The following GLI4 variants were observed in gnomAD, a reference collection of about 807,000 sequenced individuals.
GLI4 encodes GLI family zinc finger 4.
In GLI4, 34 loss-of-function variants were observed where a neutral mutation model predicts 30.9. The observed-to-expected ratio is 1.10, with a 90% CI of 0.84 to 1.47. GLI4 has a LOEUF of 1.47. Among genes scored for constraint, GLI4 ranks in the 40% most tolerant of loss-of-function variants. The pLI is 0.00. For synonymous variants in GLI4, 277 were observed against 236.7 expected (o/e 1.17, Z -1.56); for missense variants, 696 against 538.9 (o/e 1.29, Z -2.89).
chr8:143,267,892 G>A (rs1586724469), intron 1 of GLI4: 1 of 985,440 alleles, frequency 1.0e-6, no homozygotes, highest in Non-Finnish European at 1.2e-6. Flanking sequence ...GATTGGGTCC[G>A]CTCCCACGGG....
chr8:143,268,137 G>A (rs1201524701), intron 1 of GLI4: 3 of 966,720 alleles, frequency 3.1e-6, no homozygotes, highest in Non-Finnish European at 3.7e-6. Flanking sequence ...ACTTCAGGGT[G>A]GAGGACCTGC....
At position 143,276,303 on chromosome 8, in the gene GLI4, C is replaced by G. The variant is rs201598073; in HGVS notation, c.630C>G (p.Pro210=). Residue 210 remains proline (P), a synonymous_variant, in exon 4 of 4, where the codon CCC becomes CCG. Transcript: ENST00000340042. ...AGCGCATCCACACGGGCGAGAAGCCCTACGCCTGCCACGAGTGCGGCAAGC... is the reference window on the plus strand; with the variant it reads ...AGCGCATCCACACGGGCGAGAAGCCGTACGCCTGCCACGAGTGCGGCAAGC... The part of the protein sequence containing the change: ...KHQRIHTGEK[P]YACHECGKRF... The G allele has an allele frequency of 1.9e-6, 3 of 1,611,834 alleles. No homozygotes were observed. The highest frequency in any genetic ancestry group is 2.2e-5 in the South Asian group (2 of 90,986).
At chr8:143,275,606 CTG>C in intron 3 of GLI4, 1 of 1,241,848 alleles carries the variant, frequency 8.1e-7, no homozygotes, top group East Asian at 3.3e-5. Context: ...ACCCCATGGT[CTG>C]TCTTGCCACT....
chr8:143,276,917 T>C lies in GLI4; in HGVS notation c.*113T>C. 2 of 739,672 alleles carry C rather than the reference T, an allele frequency of 2.7e-6. No individual in the cohort carries two copies. Among genetic ancestry groups the C allele is most frequent in the Non-Finnish European group, 4.3e-6 (2 of 464,814 alleles). The allele number at this position is 739,672 out of a possible 1,614,324, so 45.8% of individuals were successfully genotyped here. ...ATGCCACGTGTCCGGAATAAATTCT[T>C]TTTGATTGTTGGAAGTGGGAGCCGG... On this transcript the variant is annotated 3_prime_UTR_variant, in exon 4 of 4. Coordinates refer to ENST00000340042, the MANE Select transcript of GLI4 (RefSeq NM_138465.4).
intron 3 of GLI4, chr8:143,275,193 A>AG: frequency 6.5e-7 from 1 of 1,535,534 alleles, no homozygotes; most frequent in Non-Finnish European, 8.7e-7. Context: ...TGCATCCCCT[A>AG]GATGGCCTCC....
intron 1 of GLI4, 117 bp downstream of exon 1, chr8:143,267,601 C>T: frequency 1.0e-6 from 1 of 985,410 alleles, no homozygotes; most frequent in Non-Finnish European, 1.2e-6. Flanking sequence ...GCCCTTGCAG[C>T]CGCCGCTCGC....
rs1815374643 is a variant in GLI4, at chr8:143,275,932, C to G, written c.259C>G (p.Pro87Ala). The change falls in exon 4 of 4, where the codon CCT becomes GCT. Residue 87 changes from proline to alanine, a missense_variant. Pro to Ala is a conservative substitution (Grantham distance 27). Transcript: ENST00000340042. ...EPKPEQAPRS[P>A]GSQAPDEGAG... ...CAAGCCGGAGCAGGCTCCACGCTCT[C>G]CTGGCTCTCAGGCCCCTGACGAGGG... 7.5e-7 allele frequency: 1 copy of G among 1,326,940 alleles called. No individual in the cohort carries two copies. The highest frequency in any genetic ancestry group is 3.0e-5 in the East Asian group (1 of 32,848). The allele number at this position is 1,326,940 out of a possible 1,614,324, so 82.2% of individuals were successfully genotyped here. A position where few individuals can be genotyped will look rare whatever the true frequency, so the allele number is the denominator to read the frequency against.
Position 143,275,902 on chromosome 8 carries a change from G to C in GLI4, c.229G>C (p.Glu77Gln), listed in dbSNP as rs1043442347. 6 of 1,293,698 alleles carry C rather than the reference G, an allele frequency of 4.6e-6. No homozygotes were observed. Among genetic ancestry groups the C allele is most frequent in the African/African-American group, 1.5e-5 (1 of 65,162 alleles). 80.1% of individuals were successfully genotyped at this position (1,293,698 alleles called of 1,614,324 possible). ...TCTGCCGTTTCTCATTTCAGACTCC[G>C]AGCCCAAGCCGGAGCAGGCTCCACG... ...IGRDTFWPDS[E>Q]PKPEQAPRSP... Residue 77 changes from glutamate to glutamine, a missense_variant, in exon 4 of 4, where the codon GAG becomes CAG. Transcript: ENST00000340042.
Position 143,276,764 on chromosome 8 carries a change from C to G in GLI4, c.1091C>G (p.Ser364Cys). 1 of 1,599,730 alleles carries G rather than the reference C, an allele frequency of 6.3e-7. No homozygotes were observed. Among genetic ancestry groups the G allele is most frequent in the South Asian group, 1.1e-5 (1 of 90,156 alleles). Residue 364 changes from serine (S) to cysteine (C), a missense_variant, in exon 4 of 4, where the codon TCC becomes TGC. By Grantham distance (112) the Ser-to-Cys change is moderately radical. Transcript: ENST00000340042. ...GACGKAFGQS[S>C]QLIQHQRVHY... ...TGCGGCAAGGCCTTCGGCCAGAGCT[C>G]CCAGCTCATCCAGCACCAGCGGGTG...
In GLI4 at chr8:143,269,442, CCT is replaced by C. The variant is rs764750875; in HGVS notation, c.47_48del (p.Pro16ArgfsTer33). 2.2e-5 allele frequency: 36 copies of C among 1,610,412 alleles called. No individual in the cohort carries two copies. Among genetic ancestry groups the C allele is most frequent in the South Asian group, 1.9e-4 (17 of 91,030 alleles). On this transcript the variant is annotated frameshift_variant, in exon 2 of 4. Transcript: ENST00000340042. LOFTEE classifies it high-confidence loss of function. Reference protein sequence around the residue: ...DIQESPSVPSPVSLSSPGTPG... With the variant: ...DIQESPSVPSXVSLSSPGTPG... Reference sequence around the variant, plus strand: ...TCAGGAGTCCCCTTCTGTCCCGTCCCCTGTCAGTCTCTCATCACCGGGGACAC... The same window carrying C: ...TCAGGAGTCCCCTTCTGTCCCGTCCCGTCAGTCTCTCATCACCGGGGACAC...
intron 2 of GLI4, among the ~76,000 whole-genome samples, chr8:143,270,707 A>G (rs1420159931): frequency 6.6e-6 from 1 of 152,126 alleles, no homozygotes; most frequent in Non-Finnish European, 1.5e-5. Flanking sequence ...TCCCGTTACC[A>G]GTGGGGACAC....
intron 2 of GLI4, among the ~76,000 whole-genome samples, chr8:143,271,986 G>A (rs751344665): frequency 6.6e-6 from 1 of 152,188 alleles, no homozygotes; most frequent in African/African-American, 2.4e-5. Context: ...GGGACTGAGG[G>A]TCCCCACACA....
chr8:143,273,963 C>T (rs1815328098), intron 2 of GLI4, among the ~76,000 whole-genome samples: 1 of 152,202 alleles, frequency 6.6e-6, no homozygotes, highest in Admixed American at 6.5e-5. Context: ...GAGAGCTGAC[C>T]ACTGGCCTCG....
At chr8:143,269,299 G>A (rs1815212987) in intron 1 of GLI4, 61 bp from the exon 2 acceptor site, 3 of 1,307,824 alleles carry the variant, frequency 2.3e-6, no homozygotes, top group Non-Finnish European at 3.2e-6. Context: ...GCCTCCTCCT[G>A]CACCATCCCC....
In GLI4 at chr8:143,274,706, TC is replaced by T; in HGVS notation, c.131del (p.Pro44LeufsTer19). On this transcript the variant is annotated frameshift_variant, in exon 3 of 4. Transcript: ENST00000340042. LOFTEE classifies it high-confidence loss of function. ...GCCCCAGCCTCCCTGACCCCCAGGC[TC>T]CCCTGGCTCCAGCCCTAAGGTGCTC... ...QLHLHGHQHG[S>X]PGSSPKVLSQ... 2.6e-6 allele frequency: 4 copies of T among 1,552,804 alleles called. No individual in the cohort carries two copies. The highest frequency in any genetic ancestry group is 1.7e-6 in the Non-Finnish European group (2 of 1,145,646).
At chr8:143,267,794 C>T (rs527830877) in intron 1 of GLI4, 1 of 985,360 alleles carries the variant, frequency 1.0e-6, no homozygotes, top group East Asian at 1.1e-4. Context: ...GAAACTGAGG[C>T]CCGGAGGTCC....
rs1815377466 is a variant in GLI4, at chr8:143,276,039, C to T, written c.366C>T (p.Ser122=). Reference sequence around the variant, plus strand: ...GCGCCGGCTTCGGGCCTGAATCCAGCGCGGAGCGGCCGGCGGGCCAGCCGC... The same window carrying T: ...GCGCCGGCTTCGGGCCTGAATCCAGTGCGGAGCGGCCGGCGGGCCAGCCGC... ...RCSAGFGPES[S]AERPAGQPPG... is the part of the protein sequence containing the mutation. The change falls in exon 4 of 4, where the codon AGC becomes AGT. Residue 122 remains serine, a synonymous_variant. Coordinates refer to ENST00000340042, the MANE Select transcript of GLI4 (RefSeq NM_138465.4). 1.4e-6 allele frequency: 2 copies of T among 1,381,918 alleles called. No homozygotes were observed. The highest frequency in any genetic ancestry group is 3.1e-5 in the East Asian group (1 of 32,664). The allele number at this position is 1,381,918 out of a possible 1,614,324, so 85.6% of individuals were successfully genotyped here. A position where few individuals can be genotyped will look rare whatever the true frequency, so the allele number is the denominator to read the frequency against.
rs138745985 is a variant in GLI4, at chr8:143,276,238, G to C, written c.565G>C (p.Gly189Arg). 373 of 1,605,244 alleles carry C rather than the reference G, an allele frequency of 2.3e-4. No individual in the cohort carries two copies. Among genetic ancestry groups the C allele is most frequent in the Middle Eastern group, 6.6e-4 (4 of 6,064 alleles). The part of the protein sequence containing the change: ...GAKPHRCEAC[G>R]KSFKYNSLLL... ...CAAGCCGCACAGGTGCGAGGCCTGC[G>C]GCAAGAGTTTCAAGTATAACTCGCT... The change falls in exon 4 of 4, where the codon GGC (glycine) becomes CGC (arginine). Residue 189 changes from glycine to arginine, a missense_variant. Gly to Arg is a moderately radical substitution (Grantham distance 125). Transcript: ENST00000340042.
chr8:143,267,528 C>G (rs1255836274), intron 1 of GLI4, 44 bp downstream of exon 1: 6 of 985,908 alleles, frequency 6.1e-6, no homozygotes, highest in East Asian at 2.3e-4. Context: ...GTGCCTGGGA[C>G]CAGCCCAGTC....
Sources: allele counts gnomAD v4.1 joint callset (sites outside exome capture counted in the v4.1 genomes callset), GRCh38; gene constraint gnomAD v4.1.1; transcripts MANE v1.5; gene names NCBI Gene and HGNC (gene_info 2026-07-23, HGNC 2026-07-21).